The following WDR4 variants were observed in gnomAD, a reference collection of about 807,000 sequenced individuals.
WDR4 encodes tRNA (guanine-N(7)-)-methyltransferase non-catalytic subunit WDR4.
In WDR4, 47 loss-of-function variants were observed where a neutral mutation model predicts 48.6. That is an observed-to-expected ratio of 0.97 (90% CI 0.77 to 1.23). The LOEUF (loss-of-function observed/expected upper bound fraction) is 1.23, where lower values mean the gene tolerates loss of function less well. Among genes scored for constraint, WDR4 ranks in the 50% most tolerant of loss-of-function variants. The probability of loss-of-function intolerance (pLI) is 0.00; values close to 1 mark genes in which losing one functional copy is unlikely to be tolerated. For synonymous variants in WDR4, 268 were observed against 230.0 expected (o/e 1.17, Z -1.49); for missense variants, 606 against 551.6 (o/e 1.10, Z -0.99).
At chr21:42,872,440 T>G (rs545906984) in intron 3 of WDR4, among the ~76,000 whole-genome samples, 20 of 151,186 alleles carry the variant, frequency 1.3e-4, no homozygotes, top group African/African-American at 4.9e-4. Flanking sequence ...TGAAACTCTG[T>G]CTCCAGCAAA....
intron 1 of WDR4, among the ~76,000 whole-genome samples, chr21:42,878,165 G>A (rs921729572): frequency 6.6e-6 from 1 of 152,088 alleles, no homozygotes; most frequent in African/African-American, 2.4e-5. Context: ...ACCTGAAAGT[G>A]TTCCCATGAC....
chr21:42,857,004 C>G (rs1342686570), intron 6 of WDR4, among the ~76,000 whole-genome samples: 1 of 152,162 alleles, frequency 6.6e-6, no homozygotes, highest in African/African-American at 2.4e-5. Context: ...GGCCAGGGAA[C>G]AAATGCACCA....
intron 9 of WDR4, among the ~76,000 whole-genome samples, chr21:42,852,747 C>A (rs2057867494): frequency 6.6e-6 from 1 of 152,156 alleles, no homozygotes; most frequent in East Asian, 1.9e-4. Context: ...GAAACCCCGT[C>A]TCTACTAAAA....
chr21:42,868,359 C>T (rs1036919191), intron 3 of WDR4, among the ~76,000 whole-genome samples: 8 of 152,232 alleles, frequency 5.3e-5, no homozygotes, highest in Admixed American at 2.6e-4. Context: ...ATTCCACCCA[C>T]GTCTCCATCT....
At chr21:42,858,825 G>C (rs1464612346) in intron 6 of WDR4, among the ~76,000 whole-genome samples, 1 of 152,142 alleles carries the variant, frequency 6.6e-6, no homozygotes, top group Admixed American at 6.5e-5. Flanking sequence ...AGCCCAATCA[G>C]AGAAGAAACA....
At chr21:42,858,533 GA>G (rs2058045362) in intron 6 of WDR4, among the ~76,000 whole-genome samples, 1 of 152,216 alleles carries the variant, frequency 6.6e-6, no homozygotes, top group African/African-American at 2.4e-5. Flanking sequence ...AGCAAAGTCA[GA>G]AAACACTGAC....
chr21:42,849,044 C>T (rs1371284230), downstream of WDR4, among the ~76,000 whole-genome samples: 2 of 140,248 alleles, frequency 1.4e-5, no homozygotes, highest in Non-Finnish European at 3.1e-5. Flanking sequence ...ACACAGCGCA[C>T]GATCACGCGG....
intron 11 of WDR4, among the ~76,000 whole-genome samples, chr21:42,844,197 G>A (rs922150964): frequency 6.6e-6 from 1 of 152,296 alleles, no homozygotes; most frequent in African/African-American, 2.4e-5. Context: ...GCCCATTCGA[G>A]TACCTGGGAC....
rs1345712595 is a variant in WDR4 at position 42,863,651 on chromosome 21, G to C, written c.297-55C>G. 27 of 1,557,558 alleles carry C rather than the reference G, an allele frequency of 1.7e-5. No homozygotes were observed. The East Asian group carries it at 2.3e-4, about 13-fold the overall frequency. On this transcript the variant is annotated intron_variant, in intron 3 of 10. Transcript: ENST00000398208. ...CTTCCAGGAGCAGCGCAGGGTCCTC[G>C]ACAGCCTGGCAGGCCACGTGGGCGG...
Position 42,862,272 on chromosome 21 carries a change from G to A in WDR4, c.566+10C>T. On this transcript the variant is annotated intron_variant, in intron 5 of 10. Coordinates refer to ENST00000398208, the MANE Select transcript of WDR4 (RefSeq NM_018669.6). The surrounding 1 kb of genome is among the most constrained non-coding windows in gnomAD (Gnocchi z 4.3). ...TTCTTTCTGCTGGAGGGGCAGGAAG[G>A]GGCACTCACTCTGTGTGCCCCAAGC... is the stretch of plus-strand genomic sequence containing the variant. The A allele has an allele frequency of 6.3e-7, 1 of 1,596,456 alleles. No homozygotes were observed. The highest frequency in any genetic ancestry group is 8.5e-7 in the Non-Finnish European group (1 of 1,171,646).
At chr21:42,852,098 T>A (rs559387413) in intron 10 of WDR4, among the ~76,000 whole-genome samples, 157 bp downstream of exon 10, 45 of 152,302 alleles carry the variant, frequency 3.0e-4, no homozygotes, top group African/African-American at 8.2e-4. Flanking sequence ...GTCACCCACC[T>A]CCTGCCCTGC....
intron 3 of WDR4, among the ~76,000 whole-genome samples, chr21:42,865,389 C>T (rs2058224282): frequency 6.6e-6 from 1 of 152,176 alleles, no homozygotes; most frequent in African/African-American, 2.4e-5. Flanking sequence ...AGAGGAGCAG[C>T]CCAAGAGGAT....
chr21:42,848,378 C>T (rs901817707), downstream of WDR4, among the ~76,000 whole-genome samples: 3 of 142,110 alleles, frequency 2.1e-5, no homozygotes, highest in East Asian at 2.2e-4. Context: ...GTGGCCTGCA[C>T]CTCACTCACA....
intron 10 of WDR4, among the ~76,000 whole-genome samples, chr21:42,851,510 G>A (rs528923645): frequency 1.3e-5 from 2 of 152,096 alleles, no homozygotes; most frequent in Non-Finnish European, 2.9e-5. Context: ...GTTTAGCTTT[G>A]CAAGACTTCA....
At chr21:42,847,311 G>A (rs1035853951), downstream of WDR4, among the ~76,000 whole-genome samples, 1 of 152,162 alleles carries the variant, frequency 6.6e-6, no homozygotes, top group African/African-American at 2.4e-5. Context: ...CTAAATACAC[G>A]CGGAGCTGGG....
intron 3 of WDR4, among the ~76,000 whole-genome samples, chr21:42,871,689 C>A (rs947847293): frequency 6.6e-6 from 1 of 152,190 alleles, no homozygotes; most frequent in African/African-American, 2.4e-5. Context: ...ACTGGGAAAC[C>A]ATCACTGCCT....
At chr21:42,860,192 G>A (rs957916018) in intron 5 of WDR4, among the ~76,000 whole-genome samples, 4 of 152,164 alleles carry the variant, frequency 2.6e-5, no homozygotes, top group African/African-American at 9.7e-5. Flanking sequence ...AGGGTGGAGG[G>A]AGGAGGGCAG....
At chr21:42,866,626 A>T (rs1601156247) in intron 3 of WDR4, among the ~76,000 whole-genome samples, 1 of 152,094 alleles carries the variant, frequency 6.6e-6, no homozygotes, top group African/African-American at 2.4e-5. Context: ...CTGCCAGCTC[A>T]GCATGGTTCC....
chr21:42,878,860 T>C (rs2058561626), intron 1 of WDR4: 1 of 736,724 alleles, frequency 1.4e-6, no homozygotes, highest in Non-Finnish European at 1.7e-6. Flanking sequence ...GGAGATGACT[T>C]GGAGCCCTAA....
Sources: gnomAD v4.1 joint callset for allele counts (sites outside exome capture counted in the v4.1 genomes callset) on GRCh38, gnomAD v4.1.1 for gene constraint, Gnocchi (gnomAD v3.1) non-coding constraint, MANE v1.5 for transcripts, NCBI Gene and HGNC (gene_info 2026-07-23, HGNC 2026-07-21) for gene names.